IGF1R: variants seen among roughly 807,000 people sequenced by gnomAD.
IGF1R encodes insulin-like growth factor 1 receptor.
IGF1R carries 44 observed loss-of-function variants against 144.6 expected under a neutral mutation model. That is an observed-to-expected ratio of 0.30 (90% CI 0.24 to 0.39). The LOEUF (loss-of-function observed/expected upper bound fraction) is 0.39, where lower values mean the gene tolerates loss of function less well. Among genes scored for constraint, IGF1R ranks in the 10% least tolerant of loss-of-function variants. The pLI is 1.00. For synonymous variants in IGF1R, 795 were observed against 722.8 expected, an observed-to-expected ratio of 1.10 and a Z score of -1.60; for missense variants, 1,355 against 1,833.7, an observed-to-expected ratio of 0.74 and a Z score of 4.77.
intron 2 of IGF1R, among the ~76,000 whole-genome samples, chr15:98,732,745 A>G (rs1217219408): frequency 6.6e-6 from 1 of 152,134 alleles, no homozygotes; most frequent in African/African-American, 2.4e-5. Flanking sequence ...TTGACAGGGG[A>G]GAATGTTTGT....
At chr15:98,881,824 G>T (rs902569347) in intron 2 of IGF1R, among the ~76,000 whole-genome samples, 1 of 152,114 alleles carries the variant, frequency 6.6e-6, no homozygotes, top group African/African-American at 2.4e-5. Flanking sequence ...TCATTAGGGG[G>T]ATTAAATTAA....
At position 98,957,758 on chromosome 15, in the gene IGF1R, CTGTTCTCCCT is replaced by C; in HGVS notation, c.*318_*327del. Reference sequence around the variant, plus strand: ...CTCCTCACTCTGTCCCTGTCCTTCCCTGTTCTCCCTTTCTCTCTCCTCTCTGCTTCATAAC... The same window carrying C: ...CTCCTCACTCTGTCCCTGTCCTTCCCTTCTCTCTCCTCTCTGCTTCATAAC... On this transcript the variant is annotated 3_prime_UTR_variant, in exon 21 of 21. Coordinates refer to ENST00000650285, the MANE Select transcript of IGF1R (RefSeq NM_000875.5). The C allele has an allele frequency of 2.3e-6, 1 of 441,316 alleles. No individual in the cohort carries two copies. The highest frequency in any genetic ancestry group is 4.1e-6 in the Non-Finnish European group (1 of 244,754). The allele number at this position is 441,316 out of a possible 1,614,324, so 27.3% of individuals were successfully genotyped here.
intron 5 of IGF1R, among the ~76,000 whole-genome samples, chr15:98,904,572 G>A (rs1453543465): frequency 2.0e-5 from 3 of 151,936 alleles, no homozygotes; most frequent in Non-Finnish European, 4.4e-5. Context: ...TGGATTGGTG[G>A]GAGCATCTGC....
intron 1 of IGF1R, among the ~76,000 whole-genome samples, chr15:98,678,664 C>T (rs559232296): frequency 6.6e-6 from 1 of 150,752 alleles, no homozygotes; most frequent in East Asian, 2.0e-4. Context: ...AGGTGTTTTG[C>T]CGCCACACCC....
intron 1 of IGF1R, among the ~76,000 whole-genome samples, chr15:98,652,777 C>G (rs1283222441): frequency 6.6e-6 from 1 of 152,138 alleles, no homozygotes; most frequent in African/African-American, 2.4e-5. Context: ...TGGGGAGTGA[C>G]TGCTGGTGGG....
intron 1 of IGF1R, among the ~76,000 whole-genome samples, chr15:98,664,198 C>T (rs762436386): frequency 5.9e-5 from 9 of 152,146 alleles, no homozygotes; most frequent in South Asian, 2.1e-4. Flanking sequence ...AGACGGTCTC[C>T]GCTTTTCTCG....
At chr15:98,733,375 C>T (rs181629374) in intron 2 of IGF1R, among the ~76,000 whole-genome samples, 83 of 152,230 alleles carry the variant, frequency 5.5e-4, no homozygotes, top group African/African-American at 1.8e-3. Context: ...TGCATACCCC[C>T]ATGCCTGGCT....
chr15:98,679,191 C>T (rs2053126157), intron 1 of IGF1R, among the ~76,000 whole-genome samples: 1 of 152,214 alleles, frequency 6.6e-6, no homozygotes, highest in Admixed American at 6.5e-5. Context: ...CAGGCATGAG[C>T]CACCATGCTG....
At chr15:98,690,969 T>C (rs1464020027) in intron 1 of IGF1R, among the ~76,000 whole-genome samples, 1 of 152,244 alleles carries the variant, frequency 6.6e-6, no homozygotes, top group African/African-American at 2.4e-5. Flanking sequence ...AAATAAACTT[T>C]TTCTTTTAGA....
chr15:98,666,802 A>G (rs1010363623), intron 1 of IGF1R, among the ~76,000 whole-genome samples: 1 of 152,196 alleles, frequency 6.6e-6, no homozygotes, highest in Non-Finnish European at 1.5e-5. Flanking sequence ...GGAACATGTA[A>G]AAGTTCTAGA....
intron 2 of IGF1R, among the ~76,000 whole-genome samples, chr15:98,765,609 C>T (rs907807884): frequency 6.6e-6 from 1 of 152,126 alleles, no homozygotes; most frequent in East Asian, 1.9e-4. Context: ...CAGACATAAG[C>T]CACCTTGCCT....
At chr15:98,692,248 G>A (rs2053494759) in intron 1 of IGF1R, among the ~76,000 whole-genome samples, 1 of 152,188 alleles carries the variant, frequency 6.6e-6, no homozygotes, top group African/African-American at 2.4e-5. Flanking sequence ...TGATGTGGGA[G>A]TATCACTTGA....
chr15:98,778,625 A>C (rs959537767), intron 2 of IGF1R, among the ~76,000 whole-genome samples: 1 of 152,138 alleles, frequency 6.6e-6, no homozygotes, highest in Admixed American at 6.5e-5. Flanking sequence ...CCATATCCTG[A>C]TTTCCCCTCC....
chr15:98,917,878 C>T (rs1340226540), intron 10 of IGF1R, among the ~76,000 whole-genome samples: 1 of 152,052 alleles, frequency 6.6e-6, no homozygotes, highest in Non-Finnish European at 1.5e-5. Flanking sequence ...GATAGGTTTT[C>T]TATTTGGAGT....
At chr15:98,774,927 AACTGGAGGTAGGGTCTC>A (rs45475491) in intron 2 of IGF1R, among the ~76,000 whole-genome samples, 18,907 of 152,184 alleles carry the variant, frequency 0.12, 1,501 homozygotes, top group East Asian at 0.26. Context: ...TACATCAGGG[AACTGGAGGTAGGGTCTC>A]ACTTACTAGT....
rs1045639578 is a variant in IGF1R, at chr15:98,959,145, G to A, written c.*1703G>A. The A allele has an allele frequency of 4.3e-6, 1 of 233,440 alleles. No individual in the cohort carries two copies. Among genetic ancestry groups the A allele is most frequent in the Admixed American group, 5.6e-5 (1 of 17,802 alleles). The allele number at this position is 233,440 out of a possible 1,614,324, so 14.5% of individuals were successfully genotyped here. On this transcript the variant is annotated 3_prime_UTR_variant, in exon 21 of 21. Coordinates refer to ENST00000650285, the MANE Select transcript of IGF1R (RefSeq NM_000875.5). ...TTCAGTGTTTCCACTCACCGTGGTT[G>A]AGAAGCCTCACCCTCTCTTTCCCTT...
At chr15:98,912,477 C>A (rs1369711969) in intron 7 of IGF1R, among the ~76,000 whole-genome samples, 1 of 152,204 alleles carries the variant, frequency 6.6e-6, no homozygotes, top group Non-Finnish European at 1.5e-5. Flanking sequence ...GTGCGAAGTA[C>A]TATATTCTCT....
chr15:98,924,526 A>G lies in IGF1R; in HGVS notation c.2624A>G (p.Asp875Gly). The change falls in exon 13 of 21, where the codon GAT becomes GGT. Residue 875 changes from aspartate to glycine, a missense_variant and splice_region_variant. Physicochemically the swap from Asp to Gly is moderately conservative, Grantham distance 94. Transcript: ENST00000650285. The stretch of plus-strand genomic sequence containing the variant: ...GACATGTATGTTTTATTTCCCCAGG[A>G]TCAGCGAGAATGTGTGTCCAGACAG... Reference protein sequence around the residue: ...YEIKYGSQVEDQRECVSRQEY... With the variant: ...YEIKYGSQVEGQRECVSRQEY... 6.2e-7 allele frequency: 1 copy of G among 1,614,140 alleles called. No individual in the cohort carries two copies. Among genetic ancestry groups the G allele is most frequent in the Middle Eastern group, 1.7e-4 (1 of 6,060 alleles).
chr15:98,794,982 A>T (rs2056205370), intron 2 of IGF1R, among the ~76,000 whole-genome samples: 1 of 152,222 alleles, frequency 6.6e-6, no homozygotes, highest in African/African-American at 2.4e-5. Context: ...TACCTTAGCA[A>T]TGCTCTCAGC....
Sources: gnomAD v4.1 joint callset for allele counts (sites outside exome capture counted in the v4.1 genomes callset) on GRCh38, gnomAD v4.1.1 for gene constraint, MANE v1.5 for transcripts, NCBI Gene and HGNC (gene_info 2026-07-23, HGNC 2026-07-21) for gene names.